ZZEF1: variants seen among roughly 807,000 people sequenced by gnomAD.
ZZEF1 encodes zinc finger ZZ-type and EF-hand domain-containing protein 1.
ZZEF1 carries 157 observed loss-of-function variants against 342.8 expected under a neutral mutation model. The observed-to-expected ratio is 0.46, with a 90% CI of 0.40 to 0.52. ZZEF1 has a LOEUF of 0.52. ZZEF1 is among the 20% of genes least tolerant of loss of function. ZZEF1 has a pLI of 0.00. For missense variants in ZZEF1, 3,480 were observed against 3,725.6 expected (o/e 0.93, Z 1.72); for synonymous variants, 1,505 against 1,429.1 (o/e 1.05, Z -1.20).
chr17:4,035,370 G>A (rs577449771), intron 39 of ZZEF1, among the ~76,000 whole-genome samples: 36 of 152,318 alleles, frequency 2.4e-4, no homozygotes, highest in African/African-American at 8.2e-4. Flanking sequence ...TCAAGAAGGC[G>A]TCTTTCTGAC....
rs1258461770 is a variant in ZZEF1 at position 4,009,736 on chromosome 17, C to T, written c.8601G>A (p.Leu2867=). ...TAAAGAGCTGCCACAGGGGCTTCAA[C>T]AGCGCAAGGTCACACAGGTCACTGC... ...CGHSDLCDLA[L]LKPLWQLFTH... Residue 2867 remains leucine, a synonymous_variant, in exon 53 of 55, where the codon CTG becomes CTA. Transcript: ENST00000381638. 1.2e-6 allele frequency: 2 copies of T among 1,613,968 alleles called. No individual in the cohort carries two copies. The highest frequency in any genetic ancestry group is 2.2e-5 in the East Asian group (1 of 44,886).
intron 34 of ZZEF1, among the ~76,000 whole-genome samples, chr17:4,052,592 C>T (rs887530285): frequency 2.0e-5 from 3 of 152,156 alleles, no homozygotes; most frequent in African/African-American, 4.8e-5. Flanking sequence ...AAGGGCCAGG[C>T]GTTGTGGCTC....
At chr17:4,040,406 A>G (rs2056778270) in intron 39 of ZZEF1, among the ~76,000 whole-genome samples, 1 of 152,236 alleles carries the variant, frequency 6.6e-6, no homozygotes, top group Non-Finnish European at 1.5e-5. Flanking sequence ...AGATACAACA[A>G]AAAACTCCAA....
intron 1 of ZZEF1, among the ~76,000 whole-genome samples, chr17:4,126,794 C>T (rs1369560017): frequency 6.6e-6 from 1 of 152,078 alleles, no homozygotes; most frequent in African/African-American, 2.4e-5. Flanking sequence ...AGCAAAACTC[C>T]GTATCTACTA....
chr17:4,055,835 G>T (rs535312383), intron 33 of ZZEF1, among the ~76,000 whole-genome samples: 1 of 152,126 alleles, frequency 6.6e-6, no homozygotes, highest in Non-Finnish European at 1.5e-5. Flanking sequence ...GACCAATTTC[G>T]TAGAAGACAA....
chr17:4,004,733 C>T lies in ZZEF1; in HGVS notation c.*2157G>A, dbSNP rs1280582376. ...CGTGTTTCCACCTTTGCTCTGCGGG[C>T]TTCGCCTCCTCCGGGCCTGGGGCTC... On this transcript the variant is annotated 3_prime_UTR_variant, in exon 55 of 55. Transcript: ENST00000381638. The T allele has an allele frequency of 6.6e-6, 1 of 152,304 alleles. No individual in the cohort carries two copies. The highest frequency in any genetic ancestry group is 1.5e-5 in the Non-Finnish European group (1 of 68,062). The allele number at this position is 152,304 out of a possible 1,614,324, so 9.4% of individuals were successfully genotyped here. A position where few individuals can be genotyped will look rare whatever the true frequency, so the allele number is the denominator to read the frequency against.
intron 32 of ZZEF1, 148 bp downstream of exon 32, chr17:4,057,846 G>A: frequency 2.8e-6 from 2 of 706,046 alleles, no homozygotes; most frequent in South Asian, 4.2e-5. Context: ...TATAAGACTT[G>A]CGCAAGGCCA....
chr17:4,131,647 G>C (rs1390394709), intron 1 of ZZEF1, among the ~76,000 whole-genome samples: 1 of 152,016 alleles, frequency 6.6e-6, no homozygotes, highest in Non-Finnish European at 1.5e-5. Context: ...AGGCGTGGTG[G>C]TATGCACCTG....
At chr17:4,123,807 G>A in intron 2 of ZZEF1, 100 bp downstream of exon 2, 2 of 1,354,242 alleles carry the variant, frequency 1.5e-6, no homozygotes, top group Non-Finnish European at 1.0e-6. Flanking sequence ...AACACTGTTG[G>A]GGGAGTTTAC....
At chr17:4,068,125 T>TAC (rs2057438309) in intron 26 of ZZEF1, among the ~76,000 whole-genome samples, 1 of 152,114 alleles carries the variant, frequency 6.6e-6, no homozygotes, top group South Asian at 2.1e-4. Flanking sequence ...CATATATATA[T>TAC]ACAAATATAC....
At chr17:4,040,119 TG>T (rs1367377632) in intron 39 of ZZEF1, among the ~76,000 whole-genome samples, 8 of 152,340 alleles carry the variant, frequency 5.3e-5, no homozygotes, top group Admixed American at 1.3e-4. Context: ...TTCTAGATGG[TG>T]GAAGACTATG....
At chr17:4,108,814 A>T (rs1213355042) in intron 6 of ZZEF1, among the ~76,000 whole-genome samples, 2 of 152,240 alleles carry the variant, frequency 1.3e-5, no homozygotes, top group African/African-American at 4.8e-5. Context: ...AGAAAGAACA[A>T]GGTATGGCCA....
intron 11 of ZZEF1, among the ~76,000 whole-genome samples, chr17:4,094,753 A>G (rs1182330164): frequency 6.6e-6 from 1 of 152,028 alleles, no homozygotes; most frequent in Non-Finnish European, 1.5e-5. Flanking sequence ...CATTCAGTCA[A>G]TCACCAGGTC....
chr17:4,046,915 G>T (rs2056926339), intron 37 of ZZEF1, among the ~76,000 whole-genome samples: 1 of 152,144 alleles, frequency 6.6e-6, no homozygotes, highest in African/African-American at 2.4e-5. Flanking sequence ...GGGCCCTGGG[G>T]TTGCTTAGAA....
intron 11 of ZZEF1, among the ~76,000 whole-genome samples, chr17:4,095,215 C>T (rs908829676): frequency 1.3e-5 from 2 of 152,090 alleles, no homozygotes; most frequent in South Asian, 2.1e-4. Flanking sequence ...TTCCAGTGGC[C>T]GATCAACTCC....
intron 19 of ZZEF1, 127 bp from the exon 20 acceptor site, chr17:4,077,116 GC>G: frequency 1.2e-6 from 1 of 819,868 alleles, no homozygotes; most frequent in Non-Finnish European, 1.7e-6. Context: ...AGACCACAAG[GC>G]CAGCAAGTGC....
intron 19 of ZZEF1, among the ~76,000 whole-genome samples, chr17:4,077,324 C>T (rs2057642528): frequency 3.3e-5 from 5 of 152,184 alleles, no homozygotes; most frequent in Admixed American, 3.3e-4. Context: ...GTGTACCAAT[C>T]TAACAGGCCA....
intron 11 of ZZEF1, among the ~76,000 whole-genome samples, chr17:4,092,919 A>G (rs2057970852): frequency 6.6e-6 from 1 of 151,804 alleles, no homozygotes; most frequent in African/African-American, 2.4e-5. Context: ...CTGACCCTGG[A>G]GCATGCTGAC....
chr17:4,082,391 G>A, intron 17 of ZZEF1, 46 bp downstream of exon 17: 4 of 1,590,814 alleles, frequency 2.5e-6, no homozygotes, highest in Non-Finnish European at 3.4e-6. Flanking sequence ...AAACAACTTT[G>A]CAAAGATTTG....
Sources: allele counts gnomAD v4.1 joint callset (sites outside exome capture counted in the v4.1 genomes callset), GRCh38; gene constraint gnomAD v4.1.1; transcripts MANE v1.5; gene names NCBI Gene and HGNC (gene_info 2026-07-23, HGNC 2026-07-21).